RFC3: variants seen among roughly 807,000 people sequenced by gnomAD.
RFC3 encodes replication factor C subunit 3.
In RFC3, 41 loss-of-function variants were observed where a neutral mutation model predicts 45.1. The ratio of observed to expected loss-of-function variants is 0.91; its 90% CI spans 0.71 to 1.18. The LOEUF is 1.18. RFC3 is among the 50% of genes most tolerant of loss of function. The pLI, the probability that RFC3 is intolerant of heterozygous loss-of-function variation, is 0.00. For synonymous variants in RFC3, 149 were observed against 144.0 expected, an observed-to-expected ratio of 1.03 and a Z score of -0.25; for missense variants, 423 against 428.1, an observed-to-expected ratio of 0.99 and a Z score of 0.10.
intron 8 of RFC3, among the ~76,000 whole-genome samples, chr13:33,854,924 A>C (rs1034421903): frequency 9.6e-6 from 1 of 104,002 alleles, no homozygotes; most frequent in Non-Finnish European, 2.3e-5. Context: ...AACTGCCCAT[A>C]ACCATGTAGT....
intron 8 of RFC3, among the ~76,000 whole-genome samples, chr13:33,909,992 AATAATG>A (rs2082694550): frequency 6.6e-6 from 1 of 152,124 alleles, no homozygotes; most frequent in Non-Finnish European, 1.5e-5. Context: ...GTAGACTAGA[AATAATG>A]ATAATGATGC....
rs59221382 is a variant in RFC3 at position 33,899,204 on chromosome 13, C to CAAAAAAAAAAAAAAAAAAAAA, written c.879+63992_879+64012dup. Among the ~76,000 whole-genome samples the CAAAAAAAAAAAAAAAAAAAAA allele has an allele frequency of 7.2e-3, 372 of 52,006 alleles. 4 individuals carry two copies. Among genetic ancestry groups the CAAAAAAAAAAAAAAAAAAAAA allele is most frequent in the South Asian group, 0.01 (11 of 1,082 alleles). The allele number at this position is 52,006 out of a possible 152,430, so 34.1% of individuals were successfully genotyped here. A position where few individuals can be genotyped will look rare whatever the true frequency, so the allele number is the denominator to read the frequency against. ...AAAACCAGACGAAGACACAATAAGA[C>CAAAAAAAAAAAAAAAAAAAAA]AAAAAAAAAAAAAAAAAAAAAAAAA... On this transcript the variant is annotated intron_variant, in intron 8 of 8. Coordinates refer to the RFC3 transcript ENST00000434425.
chr13:33,971,947 A>T, the RFC3 span, among the ~76,000 whole-genome samples: 7 of 26,978 alleles, frequency 2.6e-4, no homozygotes, highest in East Asian at 9.1e-3. Context: ...CCCCATCTCT[A>T]ATAAAAATAC....
chr13:33,868,608 A>G (rs901897263), intron 8 of RFC3, among the ~76,000 whole-genome samples: 9 of 152,182 alleles, frequency 5.9e-5, no homozygotes, highest in Admixed American at 2.0e-4. Context: ...CTTCATTTAC[A>G]TAGAGTGTAA....
downstream of RFC3, among the ~76,000 whole-genome samples, chr13:33,971,057 A>T (rs1351109615): frequency 6.6e-6 from 1 of 152,174 alleles, no homozygotes; most frequent in Non-Finnish European, 1.5e-5. Context: ...ATTAAAAAAA[A>T]TATAGAATAG....
chr13:33,843,648 C>T (rs917373032), intron 8 of RFC3, among the ~76,000 whole-genome samples: 1 of 152,166 alleles, frequency 6.6e-6, no homozygotes, highest in Non-Finnish European at 1.5e-5. Context: ...TCATTTAATT[C>T]TCCTAACACT....
chr13:33,919,958 G>A (rs891868432), intron 8 of RFC3, among the ~76,000 whole-genome samples: 7 of 152,092 alleles, frequency 4.6e-5, no homozygotes, highest in African/African-American at 9.7e-5. Flanking sequence ...AAGATGAAGC[G>A]TAACTATACA....
chr13:33,845,542 A>T (rs1366105370), intron 8 of RFC3, among the ~76,000 whole-genome samples: 2 of 152,180 alleles, frequency 1.3e-5, no homozygotes, highest in East Asian at 1.9e-4. Flanking sequence ...TTTTTGATCA[A>T]TTCCATTATT....
chr13:33,883,882 C>T (rs895766059), intron 8 of RFC3, among the ~76,000 whole-genome samples: 2 of 152,072 alleles, frequency 1.3e-5, no homozygotes, highest in African/African-American at 4.8e-5. Context: ...AACAAATCCA[C>T]ATGACACACG....
intron 8 of RFC3, among the ~76,000 whole-genome samples, chr13:33,910,770 A>G (rs1425631135): frequency 6.6e-6 from 1 of 152,098 alleles, no homozygotes; most frequent in Non-Finnish European, 1.5e-5. Context: ...TAATTGACTC[A>G]TGGTTCCACA....
chr13:33,933,715 C>A (rs2082867355), intron 8 of RFC3, among the ~76,000 whole-genome samples: 1 of 146,310 alleles, frequency 6.8e-6, no homozygotes, highest in African/African-American at 2.7e-5. Flanking sequence ...GGATCACTGA[C>A]CGGCTTGGAA....
At chr13:33,852,627 C>G (rs1196145397) in intron 8 of RFC3, among the ~76,000 whole-genome samples, 1 of 152,108 alleles carries the variant, frequency 6.6e-6, no homozygotes, top group African/African-American at 2.4e-5. Context: ...TTTGTGCATC[C>G]AAGGCCTACA....
At chr13:33,838,120 C>T (rs1166205000), downstream of RFC3, among the ~76,000 whole-genome samples, 1 of 152,100 alleles carries the variant, frequency 6.6e-6, no homozygotes, top group Non-Finnish European at 1.5e-5. Context: ...TTTTGGACTT[C>T]AAGCATTTTG....
chr13:33,824,338 C>T (rs779657603), intron 3 of RFC3, among the ~76,000 whole-genome samples: 7 of 152,146 alleles, frequency 4.6e-5, no homozygotes, highest in Non-Finnish European at 7.4e-5. Context: ...GTAAATATTT[C>T]AGAAATTGAC....
chr13:33,849,495 T>A (rs1018619460), intron 8 of RFC3: 3 of 152,172 alleles, frequency 2.0e-5, no homozygotes, highest in South Asian at 2.1e-4. Context: ...TCTTGTGAGC[T>A]AGTATAACCC....
chr13:33,975,389 A>G, the RFC3 span, among the ~76,000 whole-genome samples: 4 of 152,238 alleles, frequency 2.6e-5, no homozygotes, highest in Admixed American at 2.6e-4. Flanking sequence ...CCATAGGGGA[A>G]AGGAAAAGAG....
intron 8 of RFC3, among the ~76,000 whole-genome samples, chr13:33,960,623 G>A (rs1427763655): frequency 1.3e-5 from 2 of 152,180 alleles, no homozygotes; most frequent in Non-Finnish European, 2.9e-5. Context: ...AGTTCTTCTT[G>A]TAGGTTAACT....
intron 8 of RFC3, among the ~76,000 whole-genome samples, chr13:33,854,747 G>A (rs1015120035): frequency 6.6e-6 from 1 of 152,124 alleles, no homozygotes; most frequent in Non-Finnish European, 1.5e-5. Flanking sequence ...GGAAATAGAG[G>A]TTCTGGGTAT....
chr13:33,862,401 C>T (rs571874635), intron 8 of RFC3, among the ~76,000 whole-genome samples: 12 of 152,122 alleles, frequency 7.9e-5, no homozygotes, highest in African/African-American at 2.9e-4. Context: ...TAGAGATTTC[C>T]CGTGACTTGA....
Sources: gnomAD v4.1 joint callset for allele counts (sites outside exome capture counted in the v4.1 genomes callset) on GRCh38, gnomAD v4.1.1 for gene constraint, MANE v1.5 for transcripts, NCBI Gene and HGNC (gene_info 2026-07-23, HGNC 2026-07-21) for gene names.